The following DNAH9 variants were observed in gnomAD, a reference collection of about 807,000 sequenced individuals.
DNAH9 encodes the protein DNAH9 variant protein.
In DNAH9, 345 loss-of-function variants were observed where a neutral mutation model predicts 471.6. The ratio of observed to expected loss-of-function variants is 0.73; its 90% CI spans 0.67 to 0.80. The LOEUF (loss-of-function observed/expected upper bound fraction) is 0.80. Ranked by LOEUF, DNAH9 falls within the 30% of genes least tolerant of loss-of-function variation. The pLI is 0.00. For synonymous variants in DNAH9, 2,093 were observed against 2,123.6 expected, an observed-to-expected ratio of 0.99 and a Z score of 0.40; for missense variants, 5,407 against 5,609.2, an observed-to-expected ratio of 0.96 and a Z score of 1.15.
chr17:11,737,154 G>A (rs1275625036), intron 28 of DNAH9, among the ~76,000 whole-genome samples: 5 of 152,198 alleles, frequency 3.3e-5, no homozygotes, highest in Admixed American at 6.5e-5. Flanking sequence ...TATTCTGCAC[G>A]TAGAAAAGAA....
rs201902869 is a variant in DNAH9 at position 11,843,871 on chromosome 17, A to G, written c.9507+8973A>G. Among the ~76,000 whole-genome samples, 143 of 81,008 alleles carry G rather than the reference A, an allele frequency of 1.8e-3. 5 individuals are homozygous for G. The highest frequency in any genetic ancestry group is 4.6e-3 in the East Asian group (13 of 2,824). 53.1% of individuals were successfully genotyped at this position (81,008 alleles called of 152,430 possible). A position where few individuals can be genotyped will look rare whatever the true frequency, so the allele number is the denominator to read the frequency against. ...TGTGTGTGTGTGTGTGTGTATATAT[A>G]TATATATATATATATATATACACAT... On this transcript the variant is annotated intron_variant, in intron 49 of 68. Coordinates refer to ENST00000262442, the MANE Select transcript of DNAH9 (RefSeq NM_001372.4).
At chr17:11,816,532 C>T (rs1225450994) in intron 45 of DNAH9, among the ~76,000 whole-genome samples, 3 of 152,226 alleles carry the variant, frequency 2.0e-5, no homozygotes, top group Non-Finnish European at 4.4e-5. Flanking sequence ...CCACCACACT[C>T]ACTTGCGTTT....
At position 11,757,604 on chromosome 17, in the gene DNAH9, G is replaced by T; in HGVS notation, c.6907G>T (p.Glu2303Ter). 1.2e-6 allele frequency: 2 copies of T among 1,613,848 alleles called. No individual in the cohort carries two copies. Among genetic ancestry groups the T allele is most frequent in the Non-Finnish European group, 1.7e-6 (2 of 1,179,708 alleles). Residue 2303 changes from glutamate (E) to a stop codon, truncating the protein, a stop_gained, in exon 35 of 69, where the codon GAG becomes TAG. Transcript: ENST00000262442. LOFTEE classifies it high-confidence loss of function. ...GAACCCTCCAGTGAGCAGCTGGATT[G>T]AGAAGAGGGAAATCCAGACAGAGAG... ...GWNPPVSSWI[E>*]KREIQTERAN...
At chr17:11,629,213 G>A (rs927223984) in intron 6 of DNAH9, among the ~76,000 whole-genome samples, 6 of 151,204 alleles carry the variant, frequency 4.0e-5, no homozygotes, top group Non-Finnish European at 7.4e-5. Flanking sequence ...TTGTCATTTA[G>A]CATTAGGTAT....
At chr17:11,608,075 T>C in intron 1 of DNAH9, 54 bp from the exon 2 acceptor site, 1 of 1,382,066 alleles carries the variant, frequency 7.2e-7, no homozygotes. Flanking sequence ...AGGATTTCTT[T>C]AAGTTCTCAG....
At chr17:11,959,099 C>CA (rs11305692) in intron 67 of DNAH9, among the ~76,000 whole-genome samples, 108 of 151,064 alleles carry the variant, frequency 7.1e-4, no homozygotes, top group African/African-American at 2.5e-3. Context: ...TTTAAAATAT[C>CA]AAAAAAAAAA....
intron 67 of DNAH9, among the ~76,000 whole-genome samples, chr17:11,960,685 G>A (rs1324086052): frequency 6.6e-6 from 1 of 151,780 alleles, no homozygotes; most frequent in Admixed American, 6.6e-5. Flanking sequence ...CTTGAACCCG[G>A]GAGGCGGAGG....
chr17:11,960,234 G>C (rs1975966255), intron 67 of DNAH9, among the ~76,000 whole-genome samples: 1 of 151,982 alleles, frequency 6.6e-6, no homozygotes, highest in South Asian at 2.1e-4. Flanking sequence ...TCAGGAATTT[G>C]AGACCAGCAT....
At chr17:11,805,228 T>G (rs111306795) in intron 43 of DNAH9, among the ~76,000 whole-genome samples, 22 of 152,220 alleles carry the variant, frequency 1.4e-4, no homozygotes, top group African/African-American at 4.8e-4. Flanking sequence ...CATCAGTACA[T>G]GCAAGAAATT....
chr17:11,798,001 G>T (rs912986508), intron 43 of DNAH9, among the ~76,000 whole-genome samples: 1 of 152,100 alleles, frequency 6.6e-6, no homozygotes, highest in Admixed American at 6.6e-5. Flanking sequence ...GGCAGGAATG[G>T]GTTCATTTCC....
rs2072773930 is a variant in DNAH9 at position 11,617,639 on chromosome 17, T to A, written c.1116+17T>A. 6.3e-7 allele frequency: 1 copy of A among 1,598,582 alleles called. No individual in the cohort carries two copies. The highest frequency in any genetic ancestry group is 8.6e-7 in the Non-Finnish European group (1 of 1,166,522). ...ATCCAGCAGGTGGGCTGCCCTGGGA[T>A]GCCCAGCAACTGCTCCCTGGGGGCT... On this transcript the variant is annotated intron_variant, in intron 5 of 68. Coordinates refer to ENST00000262442, the MANE Select transcript of DNAH9 (RefSeq NM_001372.4).
At chr17:11,887,509 G>T (rs1280908632) in intron 57 of DNAH9, among the ~76,000 whole-genome samples, 1 of 152,118 alleles carries the variant, frequency 6.6e-6, no homozygotes, top group Admixed American at 6.5e-5. Flanking sequence ...TCTTACTCAT[G>T]AAAAAATAAA....
intron 1 of DNAH9, among the ~76,000 whole-genome samples, chr17:11,602,146 A>G (rs143855722): frequency 9.9e-5 from 15 of 152,136 alleles, no homozygotes; most frequent in African/African-American, 3.4e-4. Flanking sequence ...GAATGTGAGC[A>G]TAAGATTTGG....
intron 48 of DNAH9, among the ~76,000 whole-genome samples, chr17:11,826,916 C>CTCT (rs1175568933): frequency 6.6e-6 from 1 of 150,606 alleles, no homozygotes; most frequent in Non-Finnish European, 1.5e-5. Context: ...CCTCCACCTC[C>CTCT]CAGGTTCAAG....
rs925018197 is a variant in DNAH9 at position 11,598,475 on chromosome 17, C to T, written c.-24C>T. 2.2e-6 allele frequency: 3 copies of T among 1,346,918 alleles called. No individual in the cohort carries two copies. The highest frequency in any genetic ancestry group is 1.8e-5 in the South Asian group (1 of 54,194). 83.4% of individuals were successfully genotyped at this position (1,346,918 alleles called of 1,614,324 possible). On this transcript the variant is annotated 5_prime_UTR_variant, in exon 1 of 69. Coordinates refer to ENST00000262442, the MANE Select transcript of DNAH9 (RefSeq NM_001372.4). ...GCCGCGTCCCCGTCGCTAGGGAAAC[C>T]GATGCAGCTGGAGGCCGCGCGCGAT...
chr17:11,636,808 G>C, intron 9 of DNAH9, 24 bp downstream of exon 9: 1 of 1,609,456 alleles, frequency 6.2e-7, no homozygotes, highest in Non-Finnish European at 8.5e-7. Context: ...AGGGGATTTT[G>C]ATGGGGACAT....
intron 17 of DNAH9, among the ~76,000 whole-genome samples, chr17:11,676,275 C>CTTTTTTTTTTTT (rs67397847): frequency 2.7e-5 from 2 of 73,882 alleles, no homozygotes; most frequent in African/African-American, 4.8e-5. Flanking sequence ...CATTTCTGTT[C>CTTTTTTTTTTTT]TTTTTTTTTT....
intron 17 of DNAH9, among the ~76,000 whole-genome samples, chr17:11,677,250 T>C (rs1049224267): frequency 6.6e-6 from 1 of 152,156 alleles, no homozygotes; most frequent in Non-Finnish European, 1.5e-5. Context: ...TTAAAAATCT[T>C]CCATTTTTAG....
intron 41 of DNAH9, among the ~76,000 whole-genome samples, chr17:11,789,828 A>G (rs1969002408): frequency 6.6e-6 from 1 of 152,032 alleles, no homozygotes; most frequent in African/African-American, 2.4e-5. Flanking sequence ...TTATAAGACT[A>G]TATAAATTTA....
Sources: gnomAD v4.1 joint callset for allele counts (sites outside exome capture counted in the v4.1 genomes callset) on GRCh38, gnomAD v4.1.1 for gene constraint, MANE v1.5 for transcripts, NCBI Gene and HGNC (gene_info 2026-07-23, HGNC 2026-07-21) for gene names.